RBFOX1: variants seen among roughly 807,000 people sequenced by gnomAD.
RBFOX1 encodes the protein RNA binding fox-1 homolog 1, also known as RNA binding protein fox-1 homolog 1.
RBFOX1 carries 8 observed loss-of-function variants against 57.7 expected under a neutral mutation model. The ratio of observed to expected loss-of-function variants is 0.14; its 90% CI spans 0.08 to 0.25. The LOEUF is 0.25. Ranked by LOEUF, RBFOX1 falls within the 10% of genes least tolerant of loss-of-function variation. The pLI, the probability that RBFOX1 is intolerant of heterozygous loss-of-function variation, is 1.00. For synonymous variants in RBFOX1, 326 were observed against 222.4 expected, an observed-to-expected ratio of 1.47 and a Z score of -4.15; for missense variants, 611 against 548.5, an observed-to-expected ratio of 1.11 and a Z score of -1.14.
At chr16:6,508,843 C>T (rs1304052988) in intron 2 of RBFOX1, among the ~76,000 whole-genome samples, 1 of 149,854 alleles carries the variant, frequency 6.7e-6, no homozygotes, top group African/African-American at 2.5e-5. Flanking sequence ...ACTGCGCTTA[C>T]TTTTGCACCA....
At chr16:6,830,442 T>C (rs557511141) in intron 3 of RBFOX1, among the ~76,000 whole-genome samples, 38 of 152,188 alleles carry the variant, frequency 2.5e-4, no homozygotes, top group Non-Finnish European at 4.6e-4. Context: ...ACAGGGACCG[T>C]AAGAGGAAGA....
intron 4 of RBFOX1, among the ~76,000 whole-genome samples, chr16:7,343,120 C>G (rs2096929410): frequency 6.6e-6 from 1 of 152,098 alleles, no homozygotes; most frequent in South Asian, 2.1e-4. Context: ...ACCCACACCC[C>G]TGTTCCATGC....
intron 1 of RBFOX1, chr16:6,038,951 GCA>G (rs986398749): frequency 1.5e-5 from 2 of 130,376 alleles, no homozygotes; most frequent in African/African-American, 5.9e-5. Flanking sequence ...GTGTGGATTA[GCA>G]CTGACATATT....
intron 4 of RBFOX1, among the ~76,000 whole-genome samples, chr16:7,375,083 A>G (rs56277709): frequency 0.015 from 2,318 of 152,282 alleles, 63 homozygotes; most frequent in African/African-American, 0.053. Flanking sequence ...AACATTTTTT[A>G]TTTCTGCTAT....
At chr16:5,269,485 A>G (rs1189278704) in intron 1 of RBFOX1, among the ~76,000 whole-genome samples, 1 of 152,274 alleles carries the variant, frequency 6.6e-6, no homozygotes. Flanking sequence ...CCATCACCAG[A>G]TGAAGAGATA....
intron 4 of RBFOX1, among the ~76,000 whole-genome samples, chr16:7,423,394 G>C (rs1057418559): frequency 1.3e-5 from 2 of 152,022 alleles, no homozygotes; most frequent in African/African-American, 4.8e-5. Context: ...ATAATGACTG[G>C]TAATTGCAAG....
At chr16:7,446,320 C>T (rs1054012261) in intron 4 of RBFOX1, among the ~76,000 whole-genome samples, 1 of 152,132 alleles carries the variant, frequency 6.6e-6, no homozygotes, top group Non-Finnish European at 1.5e-5. Context: ...TCAGGAGTCA[C>T]TTTATCCATG....
At chr16:5,635,016 G>T (rs8057641) in intron 3 of RBFOX1, among the ~76,000 whole-genome samples, 6,658 of 152,204 alleles carry the variant, frequency 0.044, 479 homozygotes, top group African/African-American at 0.15. Flanking sequence ...CATGTGATCA[G>T]GGTCAGGCAG....
intron 2 of RBFOX1, among the ~76,000 whole-genome samples, chr16:6,338,084 A>C (rs1057430916): frequency 6.6e-6 from 1 of 152,226 alleles, no homozygotes; most frequent in African/African-American, 2.4e-5. Context: ...TGTCTGCAAT[A>C]TGTGAAATAC....
chr16:6,792,653 A>G (rs769648511), intron 3 of RBFOX1, among the ~76,000 whole-genome samples: 63 of 152,200 alleles, frequency 4.1e-4, no homozygotes, highest in African/African-American at 1.4e-3. Flanking sequence ...ACTTGATGTC[A>G]TGTCTTTTTC....
Position 5,670,143 on chromosome 16 carries a change from G to A in RBFOX1, c.318+71182G>A, listed in dbSNP as rs139191716. The stretch of plus-strand genomic sequence containing the variant: ...TGTCTAGAGCAGCCAAATTCATAGC[G>A]ACAGCAGATTAGTGGTTACTGGGGG... On this transcript the variant is annotated intron_variant, in intron 3 of 19. Transcript: ENST00000641259. Among the ~76,000 whole-genome samples, 608 of 152,056 alleles carry A rather than the reference G, an allele frequency of 4.0e-3. 3 individuals are homozygous for A. Among genetic ancestry groups the A allele is most frequent in the African/African-American group, 0.011 (451 of 41,502 alleles).
chr16:7,251,986 T>G (rs1398245507), intron 4 of RBFOX1, among the ~76,000 whole-genome samples: 1 of 151,822 alleles, frequency 6.6e-6, no homozygotes, highest in Non-Finnish European at 1.5e-5. Context: ...TTAAAGAGAG[T>G]CTTCAAGGAA....
intron 3 of RBFOX1, among the ~76,000 whole-genome samples, chr16:6,976,159 C>T (rs1205609334): frequency 1.3e-5 from 2 of 151,982 alleles, no homozygotes; most frequent in Non-Finnish European, 2.9e-5. Flanking sequence ...AAAAAACTAG[C>T]ATTAACTGGT....
chr16:5,979,137 A>G (rs952890039), intron 4 of RBFOX1, among the ~76,000 whole-genome samples: 6 of 152,204 alleles, frequency 3.9e-5, no homozygotes, highest in African/African-American at 1.4e-4. Context: ...TTGGCATGAA[A>G]GCTTCCAGTT....
intron 2 of RBFOX1, among the ~76,000 whole-genome samples, chr16:6,607,301 A>C (rs537331830): frequency 2.0e-5 from 3 of 152,326 alleles, no homozygotes; most frequent in African/African-American, 7.2e-5. Context: ...GTCAGCTCTC[A>C]TATTCACATC....
chr16:6,179,145 C>T (rs2097040595), intron 1 of RBFOX1, among the ~76,000 whole-genome samples: 1 of 152,112 alleles, frequency 6.6e-6, no homozygotes, highest in Admixed American at 6.5e-5. Context: ...TAACAAGGAG[C>T]CCTTAAAGCA....
chr16:5,441,126 C>T (rs1394294750), intron 1 of RBFOX1, among the ~76,000 whole-genome samples: 1 of 152,056 alleles, frequency 6.6e-6, no homozygotes, highest in Non-Finnish European at 1.5e-5. Flanking sequence ...CTGGCTGTGC[C>T]CAGAGCTGCA....
chr16:6,662,506 C>T (rs2098707892), intron 3 of RBFOX1, among the ~76,000 whole-genome samples: 1 of 152,078 alleles, frequency 6.6e-6, no homozygotes, highest in Non-Finnish European at 1.5e-5. Context: ...AGTGTTGAAA[C>T]ACTTAGATTA....
At chr16:5,378,385 C>T (rs1341971102) in intron 1 of RBFOX1, among the ~76,000 whole-genome samples, 1 of 151,644 alleles carries the variant, frequency 6.6e-6, no homozygotes, top group Non-Finnish European at 1.5e-5. Flanking sequence ...CTCGTTTCCA[C>T]TCCACCCAGC....
Sources: gnomAD v4.1 joint callset for allele counts (sites outside exome capture counted in the v4.1 genomes callset) on GRCh38, gnomAD v4.1.1 for gene constraint, MANE v1.5 for transcripts, NCBI Gene and HGNC (gene_info 2026-07-23, HGNC 2026-07-21) for gene names.